Variants in TRMT11 observed in about 807,000 individuals in gnomAD.
TRMT11 encodes the protein tRNA (guanine(10)-N(2))-methyltransferase TRMT11.
Under a neutral mutation model 62.8 loss-of-function variants are expected in TRMT11, and 53 were observed. The ratio of observed to expected loss-of-function variants is 0.84; its 90% CI spans 0.68 to 1.06. TRMT11 has a LOEUF of 1.06. TRMT11 is among the 50% of genes least tolerant of loss of function. The pLI, the probability that TRMT11 is intolerant of heterozygous loss-of-function variation, is 0.00. For synonymous variants in TRMT11, 188 were observed against 190.3 expected, an observed-to-expected ratio of 0.99 and a Z score of 0.10; for missense variants, 556 against 553.4, an observed-to-expected ratio of 1.00 and a Z score of -0.05.
At chr6:126,107,013 A>G (rs1441695670) in intron 17 of TRMT11, among the ~76,000 whole-genome samples, 1 of 152,080 alleles carries the variant, frequency 6.6e-6, no homozygotes, top group African/African-American at 2.4e-5. Flanking sequence ...TTTAGTTAAC[A>G]ACTTTTTCTT....
chr6:126,168,726 C>T (rs1314456412), intron 21 of TRMT11, among the ~76,000 whole-genome samples: 1 of 152,148 alleles, frequency 6.6e-6, no homozygotes, highest in Admixed American at 6.5e-5. Flanking sequence ...ACCCTGTTGG[C>T]CAGGCTGGTC....
At chr6:126,115,758 A>G (rs1353480550) in exon 21 of TRMT11, among the ~76,000 whole-genome samples, 2 of 152,048 alleles carry the variant, frequency 1.3e-5, no homozygotes, top group Admixed American at 6.6e-5. Context: ...AGGTGGCACT[A>G]GAAGAGGACC....
the TRMT11 span, among the ~76,000 whole-genome samples, chr6:126,244,511 C>G: frequency 6.6e-6 from 1 of 152,232 alleles, no homozygotes; most frequent in Non-Finnish European, 1.5e-5. Context: ...ACCTAAAGGG[C>G]AACTATTACA....
chr6:126,011,231 C>A, intron 8 of TRMT11, 22 bp from the exon 9 acceptor site: 2 of 1,596,022 alleles, frequency 1.3e-6, no homozygotes, highest in Non-Finnish European at 8.5e-7. Context: ...TACTTTCTCT[C>A]TTCCTTTTTC....
chr6:126,065,164 T>C (rs1265294290), intron 17 of TRMT11, among the ~76,000 whole-genome samples: 6 of 152,046 alleles, frequency 3.9e-5, no homozygotes, highest in Admixed American at 2.6e-4. Flanking sequence ...AATATGAAAC[T>C]TTTTCTTTTA....
At chr6:126,152,760 A>T (rs1778073531) in intron 21 of TRMT11, among the ~76,000 whole-genome samples, 1 of 152,154 alleles carries the variant, frequency 6.6e-6, no homozygotes. Flanking sequence ...ATTACTCAGG[A>T]AGAAAGATTG....
chr6:126,148,249 G>A (rs1338917950), intron 21 of TRMT11, among the ~76,000 whole-genome samples: 1 of 152,180 alleles, frequency 6.6e-6, no homozygotes, highest in Non-Finnish European at 1.5e-5. Flanking sequence ...CGTCTTACCT[G>A]GCAAAGGACA....
At chr6:126,068,810 CT>C (rs1249185757) in intron 17 of TRMT11, among the ~76,000 whole-genome samples, 1 of 152,156 alleles carries the variant, frequency 6.6e-6, no homozygotes, top group East Asian at 1.9e-4. Flanking sequence ...CTGTATCCAT[CT>C]TTTTTTCTTT....
At chr6:126,262,458 A>G in the TRMT11 span, among the ~76,000 whole-genome samples, 2 of 152,170 alleles carry the variant, frequency 1.3e-5, no homozygotes, top group African/African-American at 4.8e-5. Flanking sequence ...GTGGTACTAC[A>G]GGCACCCATG....
In TRMT11 at chr6:126,195,660, T is replaced by C. The variant is rs185151939; in HGVS notation, n.144-3139T>C. Among the ~76,000 whole-genome samples the C allele has an allele frequency of 5.3e-3, 806 of 152,276 alleles. 8 individuals are homozygous for C. The highest frequency in any genetic ancestry group is 0.017 in the African/African-American group (726 of 41,560). ...TCAGGCATCTTACCCCTTCCCATAG[T>C]CATGTACTTTGGAGGGAGAGGCTGA... is the stretch of plus-strand genomic sequence containing the variant. On this transcript the variant is annotated intron_variant and non_coding_transcript_variant, in intron 1 of 3. Coordinates refer to the TRMT11 transcript ENST00000444229.
chr6:126,251,408 C>T, the TRMT11 span, among the ~76,000 whole-genome samples: 1 of 152,086 alleles, frequency 6.6e-6, no homozygotes, highest in East Asian at 1.9e-4. Context: ...TATATGCATA[C>T]ATTGTAGTAT....
the TRMT11 span, among the ~76,000 whole-genome samples, chr6:126,254,470 G>T: frequency 2.6e-5 from 4 of 152,226 alleles, no homozygotes; most frequent in South Asian, 6.2e-4. Flanking sequence ...ATGTGCTGGA[G>T]ATTACAAATA....
chr6:126,078,539 G>A (rs995962276), intron 17 of TRMT11, among the ~76,000 whole-genome samples: 7 of 152,018 alleles, frequency 4.6e-5, no homozygotes, highest in Admixed American at 1.3e-4. Context: ...ATCAAGCAAC[G>A]CCTCTGTTGT....
At chr6:126,090,068 G>T (rs1195431473) in intron 17 of TRMT11, among the ~76,000 whole-genome samples, 1 of 152,150 alleles carries the variant, frequency 6.6e-6, no homozygotes, top group Non-Finnish European at 1.5e-5. Context: ...TCAAATGCCA[G>T]CCAGTCCTCC....
At chr6:126,130,646 A>G (rs920121791) in intron 21 of TRMT11, among the ~76,000 whole-genome samples, 3 of 152,050 alleles carry the variant, frequency 2.0e-5, no homozygotes, top group Admixed American at 2.0e-4. Flanking sequence ...CCAACTTTGA[A>G]TTTTTGACAG....
the TRMT11 span, among the ~76,000 whole-genome samples, chr6:126,251,264 C>T: frequency 3.3e-5 from 5 of 151,948 alleles, no homozygotes; most frequent in East Asian, 1.9e-4. Flanking sequence ...CTCCTGACCT[C>T]GTGATCCACC....
chr6:126,103,669 A>C (rs1319252485), intron 17 of TRMT11, among the ~76,000 whole-genome samples: 1 of 152,218 alleles, frequency 6.6e-6, no homozygotes, highest in African/African-American at 2.4e-5. Context: ...AGCCTTTCTC[A>C]GCAATTATTG....
chr6:125,998,754 C>T, intron 6 of TRMT11, 70 bp downstream of exon 6: 1 of 1,476,474 alleles, frequency 6.8e-7, no homozygotes, highest in Non-Finnish European at 9.2e-7. Flanking sequence ...CTTTTGTTGA[C>T]TCCTATGTAG....
At chr6:126,237,069 G>T in the TRMT11 span, among the ~76,000 whole-genome samples, 15 of 132,022 alleles carry the variant, frequency 1.1e-4, no homozygotes, top group Non-Finnish European at 1.8e-4. Flanking sequence ...TAGAGATAGA[G>T]AGAGAGAGAG....
Sources: allele counts gnomAD v4.1 joint callset (sites outside exome capture counted in the v4.1 genomes callset), GRCh38; gene constraint gnomAD v4.1.1; transcripts MANE v1.5; gene names NCBI Gene and HGNC (gene_info 2026-07-23, HGNC 2026-07-21).